The following DMRT1 variants were observed in gnomAD, a reference collection of about 807,000 sequenced individuals.
The protein encoded by DMRT1 is doublesex- and mab-3-related transcription factor 1.
In DMRT1, 7 loss-of-function variants were observed where a neutral mutation model predicts 32.3. That is an observed-to-expected ratio of 0.22 (90% CI 0.12 to 0.41). The LOEUF is 0.41. DMRT1 is among the 10% of genes least tolerant of loss of function. The pLI is 1.00. For missense variants in DMRT1, 625 were observed against 500.5 expected (o/e 1.25, Z -2.37); for synonymous variants, 278 against 206.1 (o/e 1.35, Z -2.99).
chr9:894,316 A>G, intron 3 of DMRT1, 121 bp downstream of exon 3: 1 of 1,065,166 alleles, frequency 9.4e-7, no homozygotes, highest in Non-Finnish European at 1.4e-6. Context: ...CACACAGGTG[A>G]CACACACAGG....
chr9:942,698 G>T (rs1274598447), intron 4 of DMRT1, among the ~76,000 whole-genome samples: 1 of 152,102 alleles, frequency 6.6e-6, no homozygotes, highest in African/African-American at 2.4e-5. Context: ...ATTTTCTTGT[G>T]TTCATAGTCA....
chr9:843,315 C>A (rs1245041507), intron 1 of DMRT1, among the ~76,000 whole-genome samples: 1 of 152,226 alleles, frequency 6.6e-6, no homozygotes, highest in Non-Finnish European at 1.5e-5. Flanking sequence ...GGTTTCCCTG[C>A]GCGCCTGGGG....
At chr9:876,488 C>A (rs930801962) in intron 2 of DMRT1, among the ~76,000 whole-genome samples, 2 of 151,034 alleles carry the variant, frequency 1.3e-5, no homozygotes, top group African/African-American at 2.4e-5. Context: ...CATTTATATT[C>A]TTTTCCAGGA....
At chr9:887,293 C>T (rs935265984) in intron 2 of DMRT1, among the ~76,000 whole-genome samples, 1 of 152,216 alleles carries the variant, frequency 6.6e-6, no homozygotes, top group Non-Finnish European at 1.5e-5. Context: ...TTTACTACGG[C>T]CTCCTTGTGC....
intron 3 of DMRT1, among the ~76,000 whole-genome samples, chr9:905,742 T>C (rs1354723980): frequency 6.6e-6 from 1 of 152,050 alleles, no homozygotes; most frequent in African/African-American, 2.4e-5. Context: ...ACTTCCTGTC[T>C]CCTATTCCAT....
intron 2 of DMRT1, among the ~76,000 whole-genome samples, chr9:870,184 G>T (rs188366651): frequency 1.3e-5 from 2 of 152,160 alleles, no homozygotes; most frequent in African/African-American, 2.4e-5. Context: ...GATCACCTGA[G>T]GTCAGGAGTT....
intron 2 of DMRT1, among the ~76,000 whole-genome samples, chr9:859,576 A>G (rs1815562006): frequency 2.0e-5 from 3 of 152,320 alleles, no homozygotes; most frequent in African/African-American, 7.2e-5. Context: ...AATCACAAAA[A>G]AATCCAATTC....
At chr9:946,382 A>G (rs1361039848) in intron 4 of DMRT1, among the ~76,000 whole-genome samples, 3 of 152,066 alleles carry the variant, frequency 2.0e-5, no homozygotes, top group Admixed American at 6.6e-5. Flanking sequence ...TTTTATTTCC[A>G]TTTCCATCAG....
At chr9:929,860 G>C (rs1163484107) in intron 4 of DMRT1, among the ~76,000 whole-genome samples, 1 of 152,042 alleles carries the variant, frequency 6.6e-6, no homozygotes, top group Non-Finnish European at 1.5e-5. Flanking sequence ...TTAGTGTCTG[G>C]GCCTAGCATA....
chr9:902,268 T>C (rs887564451), intron 3 of DMRT1, among the ~76,000 whole-genome samples: 2 of 151,966 alleles, frequency 1.3e-5, no homozygotes, highest in African/African-American at 4.8e-5. Flanking sequence ...TTTTTGTTAA[T>C]GCTCTTATTC....
chr9:945,421 G>A (rs570329012), intron 4 of DMRT1, among the ~76,000 whole-genome samples: 1 of 152,300 alleles, frequency 6.6e-6, no homozygotes, highest in Admixed American at 6.5e-5. Context: ...CTCCCAAAGT[G>A]CTGGGATTAC....
intron 2 of DMRT1, among the ~76,000 whole-genome samples, chr9:871,880 G>A (rs535092124): frequency 2.0e-4 from 30 of 151,350 alleles, no homozygotes; most frequent in African/African-American, 6.9e-4. Context: ...AAGAACCACT[G>A]CTTTGAGTTT....
chr9:952,861 G>A (rs766263367), intron 4 of DMRT1, among the ~76,000 whole-genome samples: 1 of 152,146 alleles, frequency 6.6e-6, no homozygotes, highest in Non-Finnish European at 1.5e-5. Flanking sequence ...TAATTATATT[G>A]TGACCAAATG....
intron 2 of DMRT1, among the ~76,000 whole-genome samples, chr9:854,485 C>T (rs146813824): frequency 0.018 from 2,700 of 151,418 alleles, 78 homozygotes; most frequent in African/African-American, 0.059. Flanking sequence ...GGTTTTGCCA[C>T]GTTGGCCAGG....
At chr9:961,665 A>T (rs1421070046) in intron 4 of DMRT1, among the ~76,000 whole-genome samples, 1 of 152,186 alleles carries the variant, frequency 6.6e-6, no homozygotes, top group Non-Finnish European at 1.5e-5. Flanking sequence ...CCTTCAGGCT[A>T]TTACATAGTA....
At chr9:937,257 A>C (rs547141958) in intron 4 of DMRT1, among the ~76,000 whole-genome samples, 1 of 152,140 alleles carries the variant, frequency 6.6e-6, no homozygotes, top group Non-Finnish European at 1.5e-5. Flanking sequence ...GTTGATGGGC[A>C]CTTGGGTTTC....
chr9:928,324 G>C (rs1460240745), intron 4 of DMRT1, among the ~76,000 whole-genome samples: 2 of 152,272 alleles, frequency 1.3e-5, no homozygotes, highest in South Asian at 4.1e-4. Flanking sequence ...AGGATTGTTA[G>C]GAGAGTCATT....
chr9:893,880 A>T, intron 2 of DMRT1, 32 bp from the exon 3 acceptor site: 1 of 1,601,122 alleles, frequency 6.2e-7, no homozygotes, highest in East Asian at 2.2e-5. Context: ...CATTAATACC[A>T]TGTTGTATTT....
At chr9:885,580 T>C (rs1026131303) in intron 2 of DMRT1, among the ~76,000 whole-genome samples, 3 of 152,218 alleles carry the variant, frequency 2.0e-5, no homozygotes, top group Admixed American at 6.5e-5. Flanking sequence ...CTGCTTGCCT[T>C]CTTCCACCAA....
Sources: gnomAD v4.1 joint callset for allele counts (sites outside exome capture counted in the v4.1 genomes callset) on GRCh38, gnomAD v4.1.1 for gene constraint, MANE v1.5 for transcripts, NCBI Gene and HGNC (gene_info 2026-07-23, HGNC 2026-07-21) for gene names.